The following SELENOT variants were observed in gnomAD, a reference collection of about 807,000 sequenced individuals.
SELENOT encodes thioredoxin reductase-like selenoprotein T.
A neutral mutation model predicts 24.3 loss-of-function variants in SELENOT; 9 were observed. The ratio of observed to expected loss-of-function variants is 0.37; its 90% confidence interval spans 0.22 to 0.65. SELENOT has a LOEUF of 0.65. Among genes scored for constraint, SELENOT ranks in the 30% least tolerant of loss-of-function variants. SELENOT has a pLI of 0.60. For synonymous variants in SELENOT, 81 were observed against 86.0 expected (o/e 0.94, Z 0.32); for missense variants, 166 against 247.6 (o/e 0.67, Z 2.21).
chr3:150,620,353 G>C (rs909425005), intron 1 of SELENOT, among the ~76,000 whole-genome samples: 3 of 152,144 alleles, frequency 2.0e-5, no homozygotes, highest in African/African-American at 7.2e-5. Flanking sequence ...TTACTTCCTG[G>C]ACATATGAAG....
At chr3:150,626,961 A>G (rs753431821) in intron 4 of SELENOT, 49 bp from the exon 5 acceptor site, 2 of 1,583,162 alleles carry the variant, frequency 1.3e-6, no homozygotes, top group Non-Finnish European at 1.7e-6. Context: ...AATGCATATT[A>G]TAAAATCATC....
intron 1 of SELENOT, among the ~76,000 whole-genome samples, chr3:150,615,398 G>A (rs1369708629): frequency 6.6e-6 from 1 of 151,472 alleles, no homozygotes; most frequent in African/African-American, 2.4e-5. Context: ...GGATGGCTGG[G>A]TCAAATGGTA....
chr3:150,626,515 C>T (rs1213746469), intron 4 of SELENOT, among the ~76,000 whole-genome samples: 1 of 152,170 alleles, frequency 6.6e-6, no homozygotes, highest in African/African-American at 2.4e-5. Context: ...TTATTGACCC[C>T]AGTCTAATCC....
intron 1 of SELENOT, among the ~76,000 whole-genome samples, chr3:150,613,665 CTTTTT>C (rs531822237): frequency 2.2e-4 from 17 of 78,888 alleles, no homozygotes; most frequent in African/African-American, 7.8e-4. Flanking sequence ...AAGATGGGAA[CTTTTT>C]TTTTTTTTTT....
intron 1 of SELENOT, among the ~76,000 whole-genome samples, chr3:150,604,692 G>A (rs1725918492): frequency 6.6e-6 from 1 of 152,190 alleles, no homozygotes; most frequent in African/African-American, 2.4e-5. Flanking sequence ...ATAAGATGGT[G>A]AGACTTTATT....
chr3:150,627,199 C>T, intron 5 of SELENOT, 36 bp downstream of exon 5: 1 of 1,476,254 alleles, frequency 6.8e-7, no homozygotes, highest in Non-Finnish European at 9.2e-7. Flanking sequence ...GTATAGGTTT[C>T]TGTTGATTCT....
rs1358010737 is a variant in SELENOT at position 150,618,061 on chromosome 3, TGGCCA to T, written c.138-4320_138-4316del. ...TAGTAGAGACAGAGTTTCACCATGT[TGGCCA>T]GGCTGGTCTCAAACTCCTGACCTCA... On this transcript the variant is annotated intron_variant, in intron 1 of 5. Coordinates refer to ENST00000471696, the MANE Select transcript of SELENOT (RefSeq NM_016275.5). 2.0e-5 allele frequency among the ~76,000 whole-genome samples: 3 copies of T among 152,148 alleles called. No homozygotes were observed. The East Asian group carries it at 5.8e-4, about 29-fold the overall frequency.
chr3:150,606,326 A>G (rs1394656516), intron 1 of SELENOT, among the ~76,000 whole-genome samples: 2 of 151,444 alleles, frequency 1.3e-5, no homozygotes, highest in African/African-American at 4.9e-5. Flanking sequence ...TATTTTTTGT[A>G]GAGACCTGGT....
chr3:150,608,705 T>A (rs939821361), intron 1 of SELENOT, among the ~76,000 whole-genome samples: 1 of 149,862 alleles, frequency 6.7e-6, no homozygotes, highest in African/African-American at 2.5e-5. Context: ...GATAGCAGGT[T>A]AGTAGTAGTA....
At chr3:150,604,962 GGGA>G (rs1725925906) in intron 1 of SELENOT, among the ~76,000 whole-genome samples, 2 of 151,542 alleles carry the variant, frequency 1.3e-5, no homozygotes, top group Middle Eastern at 3.4e-3. Flanking sequence ...GCTTGAACCC[GGGA>G]AGCGGAGGTT....
At chr3:150,624,679 C>CT (rs1204632284) in intron 3 of SELENOT, 133 bp from the exon 4 acceptor site, 1 of 490,424 alleles carries the variant, frequency 2.0e-6, no homozygotes, top group Non-Finnish European at 3.6e-6. Flanking sequence ...TATTGGTTTA[C>CT]TTTTGCTCTA....
Position 150,624,800 on chromosome 3 carries a change from ATTTTC to A in SELENOT, c.376-7_376-3del. On this transcript the variant is annotated splice_region_variant and splice_polypyrimidine_tract_variant and intron_variant, in intron 3 of 5. Coordinates refer to ENST00000471696, the MANE Select transcript of SELENOT (RefSeq NM_016275.5). ...GACTTTGCCTGTTGTGCTTAATTATATTTTCTTTTAGGTTTATGCATGTATGATGG... is the reference window on the plus strand; with the variant it reads ...GACTTTGCCTGTTGTGCTTAATTATATTTTAGGTTTATGCATGTATGATGG... The A allele has an allele frequency of 4.0e-6, 6 of 1,510,720 alleles. No individual in the cohort carries two copies. The highest frequency in any genetic ancestry group is 3.6e-6 in the Non-Finnish European group (4 of 1,119,084). 93.6% of individuals were successfully genotyped at this position (1,510,720 alleles called of 1,614,324 possible).
Position 150,613,743 on chromosome 3 carries a change from C to T in SELENOT, c.138-8642C>T, listed in dbSNP as rs1450843600. On this transcript the variant is annotated intron_variant, in intron 1 of 5. Transcript: ENST00000471696. ...GAGAGGTTCAGGTTAATTAACATGA[C>T]GGTGCATTCATCTCATTAGGTTCCC... Among the ~76,000 whole-genome samples the T allele has an allele frequency of 4.5e-5, 6 of 132,242 alleles. No individual in the cohort carries two copies. In the East Asian group the frequency reaches 9.9e-4, roughly 22 times the overall value. 86.8% of individuals were successfully genotyped at this position (132,242 alleles called of 152,430 possible).
chr3:150,606,666 C>T (rs146406209), intron 1 of SELENOT, among the ~76,000 whole-genome samples: 10,619 of 152,076 alleles, frequency 0.07, 401 homozygotes, highest in Non-Finnish European at 0.082. Context: ...GATCTCAGCT[C>T]ACTGCAACCT....
chr3:150,607,642 G>A lies in SELENOT; in HGVS notation c.137+4143G>A, dbSNP rs144190658. The stretch of plus-strand genomic sequence containing the variant: ...GGTGGTATGAGAGATGCCTAGTCGG[G>A]ATCAGGGAAGGTTTCCATGAGGAAA... On this transcript the variant is annotated intron_variant, in intron 1 of 5. Coordinates refer to ENST00000471696, the MANE Select transcript of SELENOT (RefSeq NM_016275.5). 2.7e-3 allele frequency among the ~76,000 whole-genome samples: 413 copies of A among 152,338 alleles called. 2 individuals carry two copies. Among genetic ancestry groups the A allele is most frequent in the Admixed American group, 0.023 (354 of 15,298 alleles).
intron 1 of SELENOT, among the ~76,000 whole-genome samples, chr3:150,613,534 C>T (rs1295617613): frequency 6.6e-6 from 1 of 151,846 alleles, no homozygotes; most frequent in African/African-American, 2.4e-5. Context: ...TGATTTGTTT[C>T]GTGGAGTGTT....
chr3:150,606,892 C>T (rs895786372), intron 1 of SELENOT, among the ~76,000 whole-genome samples: 36 of 152,318 alleles, frequency 2.4e-4, no homozygotes, highest in Middle Eastern at 3.4e-3. Flanking sequence ...CTGCCCCCGG[C>T]TGAAATTCCC....
At chr3:150,623,994 C>G (rs1438387604) in intron 3 of SELENOT, among the ~76,000 whole-genome samples, 1 of 151,952 alleles carries the variant, frequency 6.6e-6, no homozygotes, top group Non-Finnish European at 1.5e-5. Context: ...GCTTCTTTTT[C>G]TTTGGGAACC....
In SELENOT at chr3:150,623,197, G is replaced by A. The variant is rs377115129; in HGVS notation, c.375+28G>A. 1.8e-4 allele frequency: 284 copies of A among 1,547,854 alleles called. 1 individual carries two copies. Among genetic ancestry groups the A allele is most frequent in the Non-Finnish European group, 2.4e-4 (281 of 1,149,808 alleles). ...ATGTAACTTAATAGCTTTGGTAACT[G>A]TAGGTTTTTATGTTGTCAGTGAAAT... is the stretch of plus-strand genomic sequence containing the variant. On this transcript the variant is annotated intron_variant, in intron 3 of 5. Transcript: ENST00000471696.
Sources: gnomAD v4.1 joint callset for allele counts (sites outside exome capture counted in the v4.1 genomes callset) on GRCh38, gnomAD v4.1.1 for gene constraint, MANE v1.5 for transcripts, NCBI Gene and HGNC (gene_info 2026-07-23, HGNC 2026-07-21) for gene names.